Variants in CNTNAP2 observed in about 807,000 individuals in gnomAD.
CNTNAP2 encodes the protein contactin-associated protein-like 2.
A neutral mutation model predicts 155.2 loss-of-function variants in CNTNAP2; 98 were observed. The observed-to-expected ratio is 0.63, with a 90% CI of 0.54 to 0.75. CNTNAP2 has a LOEUF of 0.75. Among genes scored for constraint, CNTNAP2 ranks in the 30% least tolerant of loss-of-function variants. CNTNAP2 has a pLI of 0.00. For synonymous variants in CNTNAP2, 651 were observed against 631.2 expected (o/e 1.03, Z -0.47); for missense variants, 1,727 against 1,688.1 (o/e 1.02, Z -0.40).
intron 9 of CNTNAP2, among the ~76,000 whole-genome samples, chr7:147,337,717 A>G (rs1281716070): frequency 2.6e-5 from 4 of 152,138 alleles, no homozygotes; most frequent in African/African-American, 9.7e-5. Flanking sequence ...CAACAAAAAC[A>G]AATCCTATTT....
At position 147,322,803 on chromosome 7, in the gene CNTNAP2, G is replaced by A. The variant is rs527616420; in HGVS notation, c.1498+22513G>A. ...TCAACTTCTTCCTGGATTAGTCTTG[G>A]GAGGGTGTATGTGTCCAGGAATGTA... On this transcript the variant is annotated intron_variant, in intron 9 of 23. Coordinates refer to ENST00000361727, the MANE Select transcript of CNTNAP2 (RefSeq NM_014141.6). Among the ~76,000 whole-genome samples the A allele has an allele frequency of 2.8e-5, 4 of 141,104 alleles. No homozygotes were observed. The South Asian group carries it at 7.2e-4, about 26-fold the overall frequency. 92.6% of individuals were successfully genotyped at this position (141,104 alleles called of 152,430 possible).
intron 1 of CNTNAP2, among the ~76,000 whole-genome samples, chr7:146,641,265 G>A (rs768780275): frequency 1.1e-4 from 16 of 152,214 alleles, no homozygotes; most frequent in Non-Finnish European, 1.8e-4. Flanking sequence ...GGCGGAGCTT[G>A]CAGTGAGCCG....
intron 14 of CNTNAP2, among the ~76,000 whole-genome samples, chr7:147,957,914 G>A (rs955705213): frequency 8.5e-5 from 13 of 152,080 alleles, no homozygotes; most frequent in East Asian, 1.9e-4. Context: ...GTCTCTAAAA[G>A]AAAATTAAAA....
At chr7:147,178,124 A>T (rs1802385569) in intron 8 of CNTNAP2, among the ~76,000 whole-genome samples, 1 of 152,132 alleles carries the variant, frequency 6.6e-6, no homozygotes, top group Non-Finnish European at 1.5e-5. Flanking sequence ...GGCAAAAGGG[A>T]CTTTGCAGAT....
chr7:147,944,433 A>G (rs1800782742), intron 14 of CNTNAP2, among the ~76,000 whole-genome samples: 1 of 152,226 alleles, frequency 6.6e-6, no homozygotes, highest in Admixed American at 6.5e-5. Context: ...AAATGGTAGC[A>G]CACAAAGGAG....
intron 1 of CNTNAP2, among the ~76,000 whole-genome samples, chr7:146,122,388 G>C (rs1249142594): frequency 6.6e-6 from 1 of 152,134 alleles, no homozygotes; most frequent in African/African-American, 2.4e-5. Flanking sequence ...TTATTCTTTT[G>C]TATCAGCAAT....
chr7:146,846,968 T>G (rs2129202114), intron 3 of CNTNAP2, among the ~76,000 whole-genome samples: 1 of 143,692 alleles, frequency 7.0e-6, no homozygotes, highest in Non-Finnish European at 1.5e-5. Context: ...TATACTAATA[T>G]TTTCAGGTGT....
rs537024233 is a variant in CNTNAP2 at position 146,327,712 on chromosome 7, C to T, written c.97+210739C>T. Among the ~76,000 whole-genome samples the T allele has an allele frequency of 2.4e-3, 367 of 152,090 alleles. 2 individuals carry two copies. Among genetic ancestry groups the T allele is most frequent in the African/African-American group, 7.5e-3 (311 of 41,464 alleles). ...TAATAAAAAGGGATAAATTAATGGC[C>T]CCTTAACTAAAGTGAACTTTTGATA... On this transcript the variant is annotated intron_variant, in intron 1 of 23. Coordinates refer to ENST00000361727, the MANE Select transcript of CNTNAP2 (RefSeq NM_014141.6).
At chr7:147,865,719 G>T (rs1339894011) in intron 13 of CNTNAP2, among the ~76,000 whole-genome samples, 1 of 152,206 alleles carries the variant, frequency 6.6e-6, no homozygotes, top group African/African-American at 2.4e-5. Context: ...TTGCGTAGAA[G>T]TGTTTATAGT....
At chr7:146,674,587 T>C (rs1800364699) in intron 1 of CNTNAP2, among the ~76,000 whole-genome samples, 1 of 152,138 alleles carries the variant, frequency 6.6e-6, no homozygotes, top group Non-Finnish European at 1.5e-5. Context: ...AAAGAGAGAT[T>C]ATCAAGAATA....
chr7:148,353,017 C>T (rs1034580611), intron 21 of CNTNAP2, among the ~76,000 whole-genome samples: 1 of 152,154 alleles, frequency 6.6e-6, no homozygotes, highest in South Asian at 2.1e-4. Flanking sequence ...TTATAACTCA[C>T]GTTTGCTGAA....
At chr7:146,989,399 C>T (rs1798169800) in intron 3 of CNTNAP2, among the ~76,000 whole-genome samples, 1 of 151,950 alleles carries the variant, frequency 6.6e-6, no homozygotes, top group African/African-American at 2.4e-5. Flanking sequence ...CCCCAGGAAA[C>T]AAGTAGTAGA....
intron 16 of CNTNAP2, among the ~76,000 whole-genome samples, chr7:148,118,535 C>T (rs1804526323): frequency 6.6e-6 from 1 of 152,168 alleles, no homozygotes; most frequent in Admixed American, 6.5e-5. Context: ...AGAGAGAACA[C>T]ACCGCCCTGA....
Position 147,248,845 on chromosome 7 carries a change from A to G in CNTNAP2, c.1349-51296A>G, listed in dbSNP as rs75732027. Among the ~76,000 whole-genome samples the G allele has an allele frequency of 4.8e-3, 736 of 152,346 alleles. 4 individuals carry two copies. Among genetic ancestry groups the G allele is most frequent in the African/African-American group, 0.017 (702 of 41,580 alleles). On this transcript the variant is annotated intron_variant, in intron 8 of 23. Transcript: ENST00000361727. ...TATTTACATGGTTTTGAAAACAGGC[A>G]TGAAGAGAGAACAAGGTTGTAAGGA...
intron 9 of CNTNAP2, among the ~76,000 whole-genome samples, chr7:147,365,021 A>G (rs543953908): frequency 6.6e-6 from 1 of 152,328 alleles, no homozygotes; most frequent in South Asian, 2.1e-4. Context: ...TTCTAGCAGC[A>G]TATAGACTAT....
intron 16 of CNTNAP2, among the ~76,000 whole-genome samples, chr7:148,124,216 C>T (rs1388470700): frequency 6.6e-6 from 1 of 152,138 alleles, no homozygotes; most frequent in Non-Finnish European, 1.5e-5. Flanking sequence ...ACAGCGTAAA[C>T]CGCCCACTAG....
At chr7:147,750,285 G>A (rs987036345) in intron 13 of CNTNAP2, among the ~76,000 whole-genome samples, 5 of 152,150 alleles carry the variant, frequency 3.3e-5, no homozygotes, top group Non-Finnish European at 7.3e-5. Context: ...ATGTGAACAA[G>A]CTATCAAATA....
intron 8 of CNTNAP2, among the ~76,000 whole-genome samples, chr7:147,206,586 C>A (rs1297622527): frequency 1.3e-5 from 2 of 151,964 alleles, no homozygotes; most frequent in African/African-American, 4.8e-5. Flanking sequence ...AATAAATTAG[C>A]AGAGGCTTTT....
At chr7:146,849,506 C>T (rs1794831135) in intron 3 of CNTNAP2, among the ~76,000 whole-genome samples, 1 of 152,160 alleles carries the variant, frequency 6.6e-6, no homozygotes, top group South Asian at 2.1e-4. Context: ...AACAAGATAG[C>T]ATGGGCTCTG....
Sources: allele counts gnomAD v4.1 joint callset (sites outside exome capture counted in the v4.1 genomes callset), GRCh38; gene constraint gnomAD v4.1.1; transcripts MANE v1.5; gene names NCBI Gene and HGNC (gene_info 2026-07-23, HGNC 2026-07-21).